The following RPF1 variants were observed in gnomAD, a reference collection of about 807,000 sequenced individuals.
The protein encoded by RPF1 is ribosome production factor 1 homolog.
In RPF1, 34 loss-of-function variants were observed where a neutral mutation model predicts 41.9. The ratio of observed to expected loss-of-function variants is 0.81; its 90% CI spans 0.62 to 1.08. The LOEUF (loss-of-function observed/expected upper bound fraction) is 1.08. Ranked by LOEUF, RPF1 falls within the 50% of genes least tolerant of loss-of-function variation. The pLI is 0.00. For synonymous variants in RPF1, 140 were observed against 148.9 expected, an observed-to-expected ratio of 0.94 and a Z score of 0.43; for missense variants, 425 against 435.2, an observed-to-expected ratio of 0.98 and a Z score of 0.21.
intron 3 of RPF1, among the ~76,000 whole-genome samples, chr1:84,488,485 T>TTTC (rs1357719010): frequency 6.6e-6 from 1 of 152,158 alleles, no homozygotes; most frequent in Non-Finnish European, 1.5e-5. Context: ...GGGATATCGT[T>TTTC]TTCATTTTTC....
chr1:84,483,387 C>T (rs1681685878), intron 3 of RPF1: 1 of 167,826 alleles, frequency 6.0e-6, no homozygotes. Flanking sequence ...CTGCCTCAGC[C>T]TCCTGAGTAG....
intron 2 of RPF1, among the ~76,000 whole-genome samples, chr1:84,481,403 G>A (rs1008104688): frequency 6.6e-6 from 1 of 152,220 alleles, no homozygotes; most frequent in Non-Finnish European, 1.5e-5. Context: ...GAATGGGGAA[G>A]CTCCCCCAGG....
At chr1:84,487,215 G>A (rs918017248) in intron 3 of RPF1, among the ~76,000 whole-genome samples, 4 of 152,154 alleles carry the variant, frequency 2.6e-5, no homozygotes, top group African/African-American at 9.7e-5. Context: ...TTACATAATT[G>A]TACCAAAATA....
At chr1:84,485,797 C>T (rs1039152422) in intron 3 of RPF1, among the ~76,000 whole-genome samples, 3 of 152,174 alleles carry the variant, frequency 2.0e-5, no homozygotes, top group African/African-American at 7.2e-5. Context: ...CAACTTAACA[C>T]TCATTGTAAA....
intron 5 of RPF1, among the ~76,000 whole-genome samples, chr1:84,492,515 C>T (rs1229767571): frequency 1.3e-5 from 2 of 152,148 alleles, no homozygotes; most frequent in Non-Finnish European, 2.9e-5. Context: ...GTTTCTTAGC[C>T]ACTCAATTTC....
chr1:84,479,804 C>T (rs1459567421), intron 1 of RPF1, among the ~76,000 whole-genome samples: 2 of 152,198 alleles, frequency 1.3e-5, no homozygotes, highest in Non-Finnish European at 2.9e-5. Flanking sequence ...AAAACTACGC[C>T]CTCCTGGCCC....
chr1:84,479,325 G>C lies in RPF1; in HGVS notation c.44G>C (p.Ser15Thr), dbSNP rs1681595633. Residue 15 changes from serine (S) to threonine (T), a missense_variant, in exon 1 of 9, where the codon AGT (serine) becomes ACT (threonine). Ser to Thr is a moderately conservative substitution (Grantham distance 58). Transcript: ENST00000370654. ...GDKSSSSGKK[S>T]LKRKAAAEEL... ...AAGAGCAGCAGCAGCGGGAAGAAAA[G>C]TCTAAAACGGAAAGCCGCTGCCGAA... 6.2e-7 allele frequency: 1 copy of C among 1,611,838 alleles called. No homozygotes were observed. The highest frequency in any genetic ancestry group is 1.3e-5 in the African/African-American group (1 of 74,738).
intron 5 of RPF1, among the ~76,000 whole-genome samples, chr1:84,492,143 A>G (rs312403): frequency 0.084 from 12,125 of 144,636 alleles, 517 homozygotes; most frequent in African/African-American, 0.12. Context: ...CCTGGGTGAC[A>G]GGGCAAGACT....
chr1:84,493,942 G>A (rs989845675), intron 5 of RPF1, among the ~76,000 whole-genome samples: 2 of 152,188 alleles, frequency 1.3e-5, no homozygotes, highest in Non-Finnish European at 2.9e-5. Context: ...TGATACTAAT[G>A]TCTTTTTTCT....
chr1:84,482,674 A>T (rs1379417202), intron 2 of RPF1, among the ~76,000 whole-genome samples: 1 of 151,032 alleles, frequency 6.6e-6, no homozygotes, highest in African/African-American at 2.4e-5. Context: ...CACAGTTTTA[A>T]GCCTTTTCAT....
At chr1:84,479,819 G>A (rs1681610557) in intron 1 of RPF1, among the ~76,000 whole-genome samples, 1 of 152,212 alleles carries the variant, frequency 6.6e-6, no homozygotes, top group South Asian at 2.1e-4. Flanking sequence ...TGGCCCAGAA[G>A]GCAAAAGTCT....
At chr1:84,479,676 T>G (rs1570342734) in intron 1 of RPF1, among the ~76,000 whole-genome samples, 167 bp downstream of exon 1, 1 of 152,176 alleles carries the variant, frequency 6.6e-6, no homozygotes, top group African/African-American at 2.4e-5. Context: ...CGCCCTAGTT[T>G]GGAGACTCTA....
Position 84,482,945 on chromosome 1 carries a change from G to A in RPF1, c.316G>A (p.Asp106Asn). 1 of 1,612,078 alleles carries A rather than the reference G, an allele frequency of 6.2e-7. No homozygotes were observed. The highest frequency in any genetic ancestry group is 8.5e-7 in the Non-Finnish European group (1 of 1,178,314). The change falls in exon 3 of 9, where the codon GAC (aspartate) becomes AAC (asparagine). Residue 106 changes from aspartate (D) to asparagine (N), a missense_variant. By Grantham distance (23) the Asp-to-Asn change is conservative (BLOSUM62 1). Coordinates refer to ENST00000370654, the MANE Select transcript of RPF1 (RefSeq NM_025065.7). ...ACCAAAGCCTGTACCCAAGACCATT[G>A]ACAACCAGCGAGTGTATGATGAAAC... ...APPKPVPKTI[D>N]NQRVYDETTV...
At chr1:84,491,531 G>A (rs1681835538) in intron 5 of RPF1, among the ~76,000 whole-genome samples, 1 of 152,126 alleles carries the variant, frequency 6.6e-6, no homozygotes, top group Non-Finnish European at 1.5e-5. Context: ...GCTTTGTAAT[G>A]TGTTTTGTTG....
intron 3 of RPF1, among the ~76,000 whole-genome samples, chr1:84,489,326 G>A (rs1196098336): frequency 6.6e-6 from 1 of 151,024 alleles, no homozygotes; most frequent in Non-Finnish European, 1.5e-5. Context: ...TTTTTTTTGT[G>A]GTTATTGTTT....
rs1268727841 is a variant in RPF1 at position 84,479,273 on chromosome 1, G to A, written c.-9G>A. ...TCCGTTTCCGTACGGAAGCAAAGGAGCCAAGACCATGGCGAAAGCCGGGGA... is the reference window on the plus strand; with the variant it reads ...TCCGTTTCCGTACGGAAGCAAAGGAACCAAGACCATGGCGAAAGCCGGGGA... On this transcript the variant is annotated 5_prime_UTR_variant, in exon 1 of 9. Coordinates refer to ENST00000370654, the MANE Select transcript of RPF1 (RefSeq NM_025065.7). 1.3e-6 allele frequency: 2 copies of A among 1,591,084 alleles called. No homozygotes were observed. The highest frequency in any genetic ancestry group is 1.7e-6 in the Non-Finnish European group (2 of 1,169,340).
intron 1 of RPF1, among the ~76,000 whole-genome samples, chr1:84,480,666 T>C (rs568893898): frequency 6.6e-5 from 10 of 152,332 alleles, no homozygotes; most frequent in Admixed American, 3.9e-4. Context: ...TTAATTAATT[T>C]GAGGCTTTAT....
chr1:84,494,667 T>C (rs1681896521), intron 5 of RPF1, among the ~76,000 whole-genome samples: 2 of 152,198 alleles, frequency 1.3e-5, no homozygotes, highest in Admixed American at 1.3e-4. Context: ...CACCCAGGAC[T>C]TCTAGAGTCC....
chr1:84,494,807 A>G (rs976390147), intron 5 of RPF1, among the ~76,000 whole-genome samples: 11 of 152,330 alleles, frequency 7.2e-5, no homozygotes, highest in Admixed American at 2.0e-4. Context: ...TTTGTTGATT[A>G]TAATTTGGGG....
Sources: gnomAD v4.1 joint callset for allele counts (sites outside exome capture counted in the v4.1 genomes callset) on GRCh38, gnomAD v4.1.1 for gene constraint, MANE v1.5 for transcripts, NCBI Gene and HGNC (gene_info 2026-07-23, HGNC 2026-07-21) for gene names.